SLC30A4: variants seen among roughly 807,000 people sequenced by gnomAD.
The protein encoded by SLC30A4 is probable proton-coupled zinc antiporter SLC30A4.
In SLC30A4, 20 loss-of-function variants were observed where a neutral mutation model predicts 41.7. The ratio of observed to expected loss-of-function variants is 0.48; its 90% confidence interval spans 0.34 to 0.70. The LOEUF (loss-of-function observed/expected upper bound fraction) is 0.70, where lower values mean the gene tolerates loss of function less well. Ranked by LOEUF, SLC30A4 falls within the 30% of genes least tolerant of loss-of-function variation. SLC30A4 has a pLI of 0.01. For missense variants in SLC30A4, 441 were observed against 529.3 expected, an observed-to-expected ratio of 0.83 and a Z score of 1.64; for synonymous variants, 181 against 195.9, an observed-to-expected ratio of 0.92 and a Z score of 0.64.
intron 2 of SLC30A4, among the ~76,000 whole-genome samples, chr15:45,512,898 T>C (rs1036837808): frequency 6.6e-6 from 1 of 151,540 alleles, no homozygotes; most frequent in Admixed American, 6.6e-5. Flanking sequence ...GAGGCCGAGG[T>C]GGGAGAACTG....
chr15:45,491,402 A>G (rs1228491897), intron 3 of SLC30A4, among the ~76,000 whole-genome samples: 1 of 152,216 alleles, frequency 6.6e-6, no homozygotes, highest in Non-Finnish European at 1.5e-5. Context: ...ATCACAGACT[A>G]ATTTCTTGAT....
intron 2 of SLC30A4, among the ~76,000 whole-genome samples, chr15:45,511,771 A>G (rs1892300217): frequency 6.6e-6 from 1 of 152,232 alleles, no homozygotes; most frequent in South Asian, 2.1e-4. Context: ...GCGTAAGCCA[A>G]TGTGTCCAGC....
chr15:45,521,777 G>T, intron 2 of SLC30A4, 187 bp downstream of exon 2: 1 of 545,572 alleles, frequency 1.8e-6, no homozygotes, highest in Non-Finnish European at 3.2e-6. Context: ...AGTTATCTCG[G>T]GGAGTTTATA....
At position 45,522,281 on chromosome 15, in the gene SLC30A4, T is replaced by C; in HGVS notation, c.74A>G (p.Asp25Gly). The change falls in exon 2 of 8, where the codon GAC becomes GGC. Residue 25 changes from aspartate (D) to glycine (G), a missense_variant. This residue lies in a region of SLC30A4 where 312 missense variants were observed against 341.9 expected (regional missense o/e 0.91). Transcript: ENST00000261867. ...RKDDAPLFLN[D>G]TSAFDFSDEA... ...ATCCGAGAAGTCAAAGGCGCTGGTG[T>C]CATTTAAAAACAGCGGCGCATCATC... 2.5e-6 allele frequency: 4 copies of C among 1,614,020 alleles called. No homozygotes were observed. The highest frequency in any genetic ancestry group is 1.1e-5 in the South Asian group (1 of 91,072).
Position 45,484,612 on chromosome 15 carries a change from T to G in SLC30A4, c.*551A>C, listed in dbSNP as rs1595520202. ...CATAACAATAACATTAAGACTTATG[T>G]GTGAAATAAAACATTTCTGAAACAC... On this transcript the variant is annotated 3_prime_UTR_variant, in exon 8 of 8. Transcript: ENST00000261867. 6.6e-6 allele frequency: 1 copy of G among 152,420 alleles called. No individual in the cohort carries two copies. Among genetic ancestry groups the G allele is most frequent in the Middle Eastern group, 3.4e-3 (1 of 296 alleles). 9.4% of individuals were successfully genotyped at this position (152,420 alleles called of 1,614,324 possible).
At chr15:45,486,029 C>CT (rs1044025947) in intron 7 of SLC30A4, among the ~76,000 whole-genome samples, 15 of 148,830 alleles carry the variant, frequency 1.0e-4, no homozygotes, top group South Asian at 2.1e-4. Context: ...GGGAAATATT[C>CT]TTTTTTTTTC....
intron 2 of SLC30A4, among the ~76,000 whole-genome samples, chr15:45,517,396 C>T (rs1459828884): frequency 1.4e-5 from 2 of 139,144 alleles, no homozygotes; most frequent in Non-Finnish European, 3.0e-5. Flanking sequence ...TCTTGTTGCC[C>T]AGGCTGGAGT....
chr15:45,492,835 TGAG>T (rs759014216), intron 3 of SLC30A4, among the ~76,000 whole-genome samples: 67 of 152,128 alleles, frequency 4.4e-4, no homozygotes, highest in Non-Finnish European at 6.2e-4. Context: ...TTATCTTGGG[TGAG>T]GAGAACTGGT....
chr15:45,500,618 A>ATCTATCTATCTG (rs1485251492), intron 3 of SLC30A4, among the ~76,000 whole-genome samples: 3 of 21,154 alleles, frequency 1.4e-4, no homozygotes, highest in Non-Finnish European at 2.8e-4. Flanking sequence ...GGGTCTGTCT[A>ATCTATCTATCTG]TCTATCTATC....
intron 7 of SLC30A4, 32 bp from the exon 8 acceptor site, chr15:45,485,349 A>G: frequency 6.7e-7 from 1 of 1,493,436 alleles, no homozygotes; most frequent in Non-Finnish European, 9.2e-7. Flanking sequence ...ATTACTATCC[A>G]TTGTACAGTT....
At chr15:45,508,490 T>C (rs1363375112) in intron 3 of SLC30A4, among the ~76,000 whole-genome samples, 1 of 152,170 alleles carries the variant, frequency 6.6e-6, no homozygotes, top group African/African-American at 2.4e-5. Context: ...AGCCTTAAGA[T>C]CTGTTGGGCT....
chr15:45,490,802 A>C lies in SLC30A4; in HGVS notation c.618T>G (p.Thr206=). The C allele has an allele frequency of 6.2e-7, 1 of 1,610,558 alleles. No homozygotes were observed. Among genetic ancestry groups the C allele is most frequent in the Non-Finnish European group, 8.5e-7 (1 of 1,177,304 alleles). Residue 206 remains threonine, a synonymous_variant, in exon 4 of 8, where the codon ACT becomes ACG. Transcript: ENST00000261867. The part of the protein sequence containing the change: ...GFLLYEAVQR[T]IHMNYEINGD... ...CATTTATTTCATAGTTCATATGGAT[A>C]GTTCTTTGCACAGCTTCATATAAGA...
At position 45,481,645 on chromosome 15, in the gene SLC30A4, G is replaced by A. The variant is rs997048463; in HGVS notation, c.*3518C>T. 6.6e-6 allele frequency: 1 copy of A among 152,134 alleles called. No individual in the cohort carries two copies. Among genetic ancestry groups the A allele is most frequent in the African/African-American group, 2.4e-5 (1 of 41,420 alleles). 9.4% of individuals were successfully genotyped at this position (152,134 alleles called of 1,614,324 possible). A position where few individuals can be genotyped will look rare whatever the true frequency, so the allele number is the denominator to read the frequency against. On this transcript the variant is annotated 3_prime_UTR_variant, in exon 8 of 8. Coordinates refer to ENST00000261867, the MANE Select transcript of SLC30A4 (RefSeq NM_013309.6). ...GCCACTGCTTTTCACAGGGCATAGA[G>A]CTCTTTGAGAGCTCAGCTGAGAAGT...
At chr15:45,490,525 C>T (rs1891791248) in intron 4 of SLC30A4, among the ~76,000 whole-genome samples, 2 of 152,164 alleles carry the variant, frequency 1.3e-5, no homozygotes, top group African/African-American at 4.8e-5. Context: ...TACTTAAATT[C>T]ATGATTTTGA....
In SLC30A4 at chr15:45,486,768, A is replaced by G. The variant is rs898679964; in HGVS notation, c.1001-23T>C. ...CACCTATTAGGAATATATAATTTCT[A>G]AGTAAAATTTATTTTGGAAATAAAG... On this transcript the variant is annotated intron_variant, in intron 6 of 7. Coordinates refer to ENST00000261867, the MANE Select transcript of SLC30A4 (RefSeq NM_013309.6). 3.0e-6 allele frequency: 4 copies of G among 1,339,366 alleles called. No individual in the cohort carries two copies. In the African/African-American group the frequency reaches 4.5e-5, roughly 15 times the overall value. 83.0% of individuals were successfully genotyped at this position (1,339,366 alleles called of 1,614,324 possible).
intron 3 of SLC30A4, among the ~76,000 whole-genome samples, chr15:45,508,134 T>C (rs1461272040): frequency 6.6e-6 from 1 of 152,114 alleles, no homozygotes; most frequent in Non-Finnish European, 1.5e-5. Flanking sequence ...AAAATGGTTA[T>C]TAATATGGGG....
At chr15:45,514,378 A>T (rs1446646462) in intron 2 of SLC30A4, among the ~76,000 whole-genome samples, 5 of 149,720 alleles carry the variant, frequency 3.3e-5, no homozygotes, top group East Asian at 3.9e-4. Flanking sequence ...AAAAAAAAAA[A>T]ATTATAGAAA....
chr15:45,521,631 T>G (rs1892669649), intron 2 of SLC30A4, among the ~76,000 whole-genome samples: 1 of 152,206 alleles, frequency 6.6e-6, no homozygotes, highest in Non-Finnish European at 1.5e-5. Flanking sequence ...CATTTACTAT[T>G]TTAAACGTTG....
chr15:45,507,262 G>C, intron 3 of SLC30A4, among the ~76,000 whole-genome samples: 1 of 151,368 alleles, frequency 6.6e-6, no homozygotes, highest in African/African-American at 2.4e-5. Context: ...GGAGGTTGCA[G>C]TAAGCCGAGA....
Sources: gnomAD v4.1 joint callset for allele counts (sites outside exome capture counted in the v4.1 genomes callset) on GRCh38, gnomAD v4.1.1 for gene constraint, gnomAD v4.1.1 regional missense constraint, MANE v1.5 for transcripts, NCBI Gene and HGNC (gene_info 2026-07-23, HGNC 2026-07-21) for gene names.